PIAS1: variants seen among roughly 807,000 people sequenced by gnomAD.
The protein encoded by PIAS1 is protein inhibitor of activated STAT 1.
PIAS1 carries 6 observed loss-of-function variants against 71.3 expected under a neutral mutation model. The observed-to-expected ratio is 0.08, with a 90% confidence interval of 0.05 to 0.17. The LOEUF is 0.17. PIAS1 is among the 10% of genes least tolerant of loss of function. The pLI is 1.00. For synonymous variants in PIAS1, 303 were observed against 292.9 expected (o/e 1.03, Z -0.35); for missense variants, 555 against 793.6 (o/e 0.70, Z 3.61).
At chr15:68,135,186 CG>C (rs1435561236) in intron 2 of PIAS1, among the ~76,000 whole-genome samples, 3 of 36,026 alleles carry the variant, frequency 8.3e-5, no homozygotes, top group South Asian at 5.0e-4. Context: ...GCTGGCCGGG[CG>C]GGGGGCTGAC....
rs2093089154 is a variant in PIAS1 at position 68,186,569 on chromosome 15, T to TA, written c.1663-970dup. On this transcript the variant is annotated intron_variant, in intron 13 of 13. Transcript: ENST00000249636. This position sits in a 1 kb window ranked among gnomAD's most constrained non-coding sequence, Gnocchi z 4.4. ...GTGTGGCCATAGTGTACAGTGTTTA[T>TA]AAAGTCTACAGTAGTGTACAATAAT... Among the ~76,000 whole-genome samples, 1 of 152,254 alleles carries TA rather than the reference T, an allele frequency of 6.6e-6. No homozygotes were observed. The highest frequency in any genetic ancestry group is 1.5e-5 in the Non-Finnish European group (1 of 68,040).
chr15:68,079,696 C>T (rs1347876570), intron 1 of PIAS1, among the ~76,000 whole-genome samples: 2 of 151,896 alleles, frequency 1.3e-5, no homozygotes, highest in African/African-American at 2.4e-5. Context: ...CCAGGCTGGT[C>T]TCAAACTCCT....
chr15:68,146,416 C>A, intron 5 of PIAS1, 150 bp from the exon 6 acceptor site: 2 of 629,282 alleles, frequency 3.2e-6, no homozygotes, highest in South Asian at 2.3e-5. Flanking sequence ...AATAATAACA[C>A]AAGAAACTTG....
chr15:68,122,993 G>GT (rs545626666), intron 2 of PIAS1, among the ~76,000 whole-genome samples: 5,810 of 138,856 alleles, frequency 0.042, 287 homozygotes, highest in African/African-American at 0.13. Flanking sequence ...GGTAAAAGCT[G>GT]TTTTTTTTTT....
intron 1 of PIAS1, among the ~76,000 whole-genome samples, chr15:68,082,465 T>A (rs769789498): frequency 6.6e-6 from 1 of 152,166 alleles, no homozygotes. Flanking sequence ...GTTAATACTT[T>A]TAGCTGTTTG....
intron 7 of PIAS1, among the ~76,000 whole-genome samples, chr15:68,163,210 T>A (rs918169254): frequency 3.9e-5 from 6 of 152,236 alleles, no homozygotes; most frequent in African/African-American, 1.4e-4. Flanking sequence ...TACTACTTTT[T>A]AAAATCATAT....
chr15:68,161,321 T>G (rs2092922572), intron 7 of PIAS1, among the ~76,000 whole-genome samples: 1 of 152,198 alleles, frequency 6.6e-6, no homozygotes, highest in African/African-American at 2.4e-5. Context: ...AACGGAGAGA[T>G]ATATCTTGCT....
intron 13 of PIAS1, chr15:68,184,172 A>T (rs1391807121): frequency 6.6e-6 from 1 of 152,248 alleles, no homozygotes; most frequent in African/African-American, 2.4e-5. Context: ...TCCACAGCTA[A>T]TGTTGCCAGT....
At chr15:68,152,678 A>G (rs990847378) in intron 6 of PIAS1, among the ~76,000 whole-genome samples, 3 of 152,218 alleles carry the variant, frequency 2.0e-5, no homozygotes, top group Non-Finnish European at 2.9e-5. Flanking sequence ...GTGTGTAGCT[A>G]TAAAATACAA....
chr15:68,152,010 C>T (rs1396641037), intron 6 of PIAS1, among the ~76,000 whole-genome samples: 8 of 114,200 alleles, frequency 7.0e-5, no homozygotes, highest in East Asian at 2.8e-4. Context: ...AGTGCAGTGG[C>T]GCCATCTTGG....
chr15:68,165,561 A>G (rs2092952578), intron 8 of PIAS1, among the ~76,000 whole-genome samples: 1 of 152,230 alleles, frequency 6.6e-6, no homozygotes. Context: ...TAAATGCTGA[A>G]TTTGTTATAC....
At position 68,187,610 on chromosome 15, in the gene PIAS1, G is replaced by C. The variant is rs184857997; in HGVS notation, c.1731G>C (p.Ser577=). The C allele has an allele frequency of 9.2e-5, 148 of 1,613,906 alleles. 1 individual carries two copies. In the Admixed American group the frequency reaches 1.8e-3, roughly 20 times the overall value. ...CAGATGATCAAGACCTCCTACACTCGTCTCGGTTTTTCCCGTATACCTCCT... is the reference window on the plus strand; with the variant it reads ...CAGATGATCAAGACCTCCTACACTCCTCTCGGTTTTTCCCGTATACCTCCT... ...AVSDDQDLLH[S]SRFFPYTSSQ... is the part of the protein sequence containing the mutation. Residue 577 remains serine, a synonymous_variant, in exon 14 of 14, where the codon TCG becomes TCC. Transcript: ENST00000249636. This position sits in a 1 kb window ranked among gnomAD's most constrained non-coding sequence, Gnocchi z 5.3.
At chr15:68,073,207 C>T (rs996078150) in intron 1 of PIAS1, among the ~76,000 whole-genome samples, 1 of 151,868 alleles carries the variant, frequency 6.6e-6, no homozygotes, top group African/African-American at 2.4e-5. Flanking sequence ...TTAGTAGAGA[C>T]GGGGTTTCAC....
Position 68,146,552 on chromosome 15 carries a change from C to T in PIAS1, c.694-14C>T, listed in dbSNP as rs1246470723. The stretch of plus-strand genomic sequence containing the variant: ...GGAAATAATAAGTATAAATAAATTA[C>T]ATTTCATTTTTAGGGTTACCTTCCA... On this transcript the variant is annotated splice_polypyrimidine_tract_variant and intron_variant, in intron 5 of 13. Coordinates refer to ENST00000249636, the MANE Select transcript of PIAS1 (RefSeq NM_016166.3). The T allele has an allele frequency of 3.1e-6, 5 of 1,600,316 alleles. No homozygotes were observed. The Admixed American group carries it at 8.4e-5, about 27-fold the overall frequency.
intron 2 of PIAS1, chr15:68,087,729 G>A (rs2092296025): frequency 3.7e-6 from 1 of 272,552 alleles, no homozygotes; most frequent in Non-Finnish European, 7.7e-6. Flanking sequence ...ATTTCAGTTT[G>A]GGGGACTGGC....
rs2091872331 is a variant in PIAS1 at position 68,054,475 on chromosome 15, G to A, written c.24+125G>A. 8.6e-6 allele frequency: 9 copies of A among 1,043,542 alleles called. No individual in the cohort carries two copies. Among genetic ancestry groups the A allele is most frequent in the African/African-American group, 1.7e-5 (1 of 60,268 alleles). 64.6% of individuals were successfully genotyped at this position (1,043,542 alleles called of 1,614,324 possible). A position where few individuals can be genotyped will look rare whatever the true frequency, so the allele number is the denominator to read the frequency against. ...GACTCCACCCGGGCCTGGAGTTGTAGGGAGAGAGGCGCGCCCGGTCTCAGC... is the reference window on the plus strand; with the variant it reads ...GACTCCACCCGGGCCTGGAGTTGTAAGGAGAGAGGCGCGCCCGGTCTCAGC... On this transcript the variant is annotated intron_variant, in intron 1 of 13. Transcript: ENST00000249636. The surrounding 1 kb of genome is among the most constrained non-coding windows in gnomAD (Gnocchi z 4.6).
At chr15:68,081,906 TAA>T (rs567041899) in intron 1 of PIAS1, among the ~76,000 whole-genome samples, 4 of 142,370 alleles carry the variant, frequency 2.8e-5, no homozygotes, top group African/African-American at 2.6e-5. Context: ...TTTATGCAAT[TAA>T]AAAAAAAAAA....
chr15:68,164,215 TAAAA>T (rs931689268), intron 7 of PIAS1, among the ~76,000 whole-genome samples: 6 of 151,812 alleles, frequency 4.0e-5, no homozygotes, highest in Non-Finnish European at 7.4e-5. Flanking sequence ...ATTGTATAGT[TAAAA>T]AAAAGAAATA....
Position 68,054,517 on chromosome 15 carries a change from C to T in PIAS1, c.24+167C>T, listed in dbSNP as rs1051395728. The T allele has an allele frequency of 2.5e-3, 1,321 of 532,062 alleles. 3 individuals are homozygous for T. The highest frequency in any genetic ancestry group is 6.6e-3 in the Middle Eastern group (12 of 1,826). The allele number at this position is 532,062 out of a possible 1,614,324, so 33.0% of individuals were successfully genotyped here. On this transcript the variant is annotated intron_variant, in intron 1 of 13. Coordinates refer to ENST00000249636, the MANE Select transcript of PIAS1 (RefSeq NM_016166.3). This position sits in a 1 kb window ranked among gnomAD's most constrained non-coding sequence, Gnocchi z 4.6. ...GGTCTCAGCAGAGGGGGCCCGCCTG[C>T]GGCGGGCCGCGGGCCCCGGGTGCCT... is the stretch of plus-strand genomic sequence containing the variant.
Sources: gnomAD v4.1 joint callset for allele counts (sites outside exome capture counted in the v4.1 genomes callset) on GRCh38, gnomAD v4.1.1 for gene constraint, Gnocchi (gnomAD v3.1) non-coding constraint, MANE v1.5 for transcripts, NCBI Gene and HGNC (gene_info 2026-07-23, HGNC 2026-07-21) for gene names.